Variants in MACC1 observed in about 807,000 individuals in gnomAD.
The protein encoded by MACC1 is metastasis-associated in colon cancer protein 1.
A neutral mutation model predicts 70.7 loss-of-function variants in MACC1; 79 were observed. The ratio of observed to expected loss-of-function variants is 1.12; its 90% CI spans 0.93 to 1.35. The LOEUF (loss-of-function observed/expected upper bound fraction) is 1.35, where lower values mean the gene tolerates loss of function less well. Among genes scored for constraint, MACC1 ranks in the 40% most tolerant of loss-of-function variants. MACC1 has a pLI of 0.00. For missense variants in MACC1, 1,106 were observed against 978.1 expected (o/e 1.13, Z -1.74); for synonymous variants, 361 against 347.2 (o/e 1.04, Z -0.44).
At chr7:20,143,221 G>A (rs6959902) in intron 6 of MACC1, among the ~76,000 whole-genome samples, 29,401 of 152,098 alleles carry the variant, frequency 0.19, 3,641 homozygotes, top group African/African-American at 0.34. Context: ...GGCACACTCA[G>A]TCAAGAAGCA....
chr7:20,162,552 C>T (rs1259702011), intron 3 of MACC1, among the ~76,000 whole-genome samples: 1 of 151,998 alleles, frequency 6.6e-6, no homozygotes. Flanking sequence ...CATAAATAGG[C>T]TCTAAGTAAG....
intron 1 of MACC1, among the ~76,000 whole-genome samples, chr7:20,171,847 C>A (rs1478822098): frequency 6.6e-6 from 1 of 152,080 alleles, no homozygotes; most frequent in Non-Finnish European, 1.5e-5. Flanking sequence ...CTCACAGAGA[C>A]AATTACATCT....
intron 1 of MACC1, among the ~76,000 whole-genome samples, chr7:20,175,555 T>C (rs1782378315): frequency 1.3e-5 from 2 of 152,158 alleles, no homozygotes; most frequent in African/African-American, 4.8e-5. Context: ...CATTTTCATA[T>C]AATTGCATAT....
chr7:20,162,198 C>A (rs1011714597), intron 3 of MACC1, among the ~76,000 whole-genome samples: 1 of 152,074 alleles, frequency 6.6e-6, no homozygotes, highest in East Asian at 1.9e-4. Context: ...ATAAACATTT[C>A]CTGTTTGGCG....
intron 1 of MACC1, among the ~76,000 whole-genome samples, chr7:20,212,430 A>C (rs544327681): frequency 4.3e-4 from 66 of 152,280 alleles, no homozygotes; most frequent in African/African-American, 1.5e-3. Flanking sequence ...TGGCCACAGT[A>C]ACCAAGAGAA....
At chr7:20,190,691 G>A (rs1482248877) in intron 1 of MACC1, among the ~76,000 whole-genome samples, 3 of 152,118 alleles carry the variant, frequency 2.0e-5, no homozygotes, top group Non-Finnish European at 2.9e-5. Context: ...AAAATGGAAA[G>A]GTTTTCATCA....
chr7:20,191,253 G>A (rs1782667440), intron 1 of MACC1, among the ~76,000 whole-genome samples: 1 of 152,086 alleles, frequency 6.6e-6, no homozygotes, highest in Admixed American at 6.6e-5. Context: ...CTATCCCCAG[G>A]GCCAGAGAAA....
chr7:20,186,898 G>C (rs1276677248), intron 1 of MACC1, among the ~76,000 whole-genome samples: 1 of 152,110 alleles, frequency 6.6e-6, no homozygotes, highest in Non-Finnish European at 1.5e-5. Context: ...CGTATGCTTA[G>C]GAGAGTATAG....
At chr7:20,188,509 A>G (rs1486848424) in intron 1 of MACC1, among the ~76,000 whole-genome samples, 1 of 152,176 alleles carries the variant, frequency 6.6e-6, no homozygotes, top group Non-Finnish European at 1.5e-5. Context: ...GATGCTTTTT[A>G]CATCTTTAAA....
In MACC1 at chr7:20,154,099, C is replaced by T. The variant is rs1459949641; in HGVS notation, c.2346+94G>A. Reference sequence around the variant, plus strand: ...TTAGTGGATCATCTTGGACATTCCCCCAGTGAATCCGTGAATGTGGTATGG... The same window carrying T: ...TTAGTGGATCATCTTGGACATTCCCTCAGTGAATCCGTGAATGTGGTATGG... On this transcript the variant is annotated intron_variant, in intron 6 of 6. Transcript: ENST00000400331. The T allele has an allele frequency of 2.3e-6, 3 of 1,278,928 alleles. No individual in the cohort carries two copies. In the Admixed American group the frequency reaches 5.4e-5, roughly 23 times the overall value. The allele number at this position is 1,278,928 out of a possible 1,614,324, so 79.2% of individuals were successfully genotyped here.
At chr7:20,158,182 A>C (rs1782082396) in intron 5 of MACC1, 22 bp downstream of exon 5, 1 of 1,532,124 alleles carries the variant, frequency 6.5e-7, no homozygotes, top group Non-Finnish European at 8.7e-7. Flanking sequence ...GCAATTCATT[A>C]CCATGATCAA....
chr7:20,148,134 T>C (rs928331012), intron 6 of MACC1, among the ~76,000 whole-genome samples: 1 of 152,068 alleles, frequency 6.6e-6, no homozygotes, highest in Non-Finnish European at 1.5e-5. Context: ...AGCTATCACC[T>C]TTCTTTAGGC....
Position 20,158,812 on chromosome 7 carries a change from G to T in MACC1, c.1549C>A (p.Leu517Met). The change falls in exon 5 of 7, where the codon CTG (leucine) becomes ATG (methionine). Residue 517 changes from leucine to methionine, a missense_variant. Transcript: ENST00000400331. The stretch of plus-strand genomic sequence containing the variant: ...TCCTTCTTCTGCAAATAGCCTGGCA[G>T]ATTCGAGAGTCTTTTTAGGTTTGGG... ...PTPNLKRLSN[L>M]PGYLQKKEEI... is the part of the protein sequence containing the mutation. 1 of 1,614,142 alleles carries T rather than the reference G, an allele frequency of 6.2e-7. No individual in the cohort carries two copies. The highest frequency in any genetic ancestry group is 1.1e-5 in the South Asian group (1 of 91,074).
chr7:20,138,418 AACCCAGTTATTAATCCCC>A lies in MACC1; in HGVS notation c.*2510_*2527del, dbSNP rs1159527940. On this transcript the variant is annotated 3_prime_UTR_variant, in exon 7 of 7. Transcript: ENST00000400331. ...CTTCTTAGATCTTGGAGCCTGGAAA[AACCCAGTTATTAATCCCC>A]ACTATCCCTTCCCAAAATTCTCTGG... The A allele has an allele frequency of 6.6e-6, 1 of 151,994 alleles. No individual in the cohort carries two copies. Among genetic ancestry groups the A allele is most frequent in the Non-Finnish European group, 1.5e-5 (1 of 67,994 alleles). 9.4% of individuals were successfully genotyped at this position (151,994 alleles called of 1,614,324 possible).
intron 2 of MACC1, among the ~76,000 whole-genome samples, chr7:20,166,884 G>T (rs1256293814): frequency 6.6e-5 from 10 of 152,154 alleles, no homozygotes; most frequent in Non-Finnish European, 7.3e-5. Flanking sequence ...CATCATATTA[G>T]TGAGACTAAA....
chr7:20,202,493 C>A lies in MACC1; in HGVS notation c.-218+14806G>T, dbSNP rs181482346. 3.8e-3 allele frequency among the ~76,000 whole-genome samples: 577 copies of A among 152,186 alleles called. 2 individuals are homozygous for A. The highest frequency in any genetic ancestry group is 6.1e-3 in the Admixed American group (94 of 15,288). On this transcript the variant is annotated intron_variant, in intron 1 of 6. Transcript: ENST00000400331. ...AGAGGAAAGAAAATGGGACCCGGAACCAAAAAACCTGATCGAGCTTCTAAA... is the reference window on the plus strand; with the variant it reads ...AGAGGAAAGAAAATGGGACCCGGAAACAAAAAACCTGATCGAGCTTCTAAA...
At chr7:20,207,911 C>T (rs561163498) in intron 1 of MACC1, among the ~76,000 whole-genome samples, 2 of 152,246 alleles carry the variant, frequency 1.3e-5, no homozygotes, top group South Asian at 4.2e-4. Flanking sequence ...CCATAATCCC[C>T]ATGTGTCATG....
At chr7:20,214,293 A>G (rs1316616912) in intron 1 of MACC1, among the ~76,000 whole-genome samples, 1 of 152,136 alleles carries the variant, frequency 6.6e-6, no homozygotes, top group African/African-American at 2.4e-5. Context: ...AATACCCTCC[A>G]TGGAATACCC....
In MACC1 at chr7:20,138,308, A is replaced by C. The variant is rs1193482035; in HGVS notation, c.*2638T>G. 6.6e-6 allele frequency: 1 copy of C among 152,050 alleles called. No individual in the cohort carries two copies. Among genetic ancestry groups the C allele is most frequent in the Non-Finnish European group, 1.5e-5 (1 of 68,010 alleles). 9.4% of individuals were successfully genotyped at this position (152,050 alleles called of 1,614,324 possible). A position where few individuals can be genotyped will look rare whatever the true frequency, so the allele number is the denominator to read the frequency against. ...ATTTTTTTAAACTCTTATTATTCTC[A>C]ATCACAATCATAATACATGATGCAA... On this transcript the variant is annotated 3_prime_UTR_variant, in exon 7 of 7. Transcript: ENST00000400331.
Sources: allele counts gnomAD v4.1 joint callset (sites outside exome capture counted in the v4.1 genomes callset), GRCh38; gene constraint gnomAD v4.1.1; transcripts MANE v1.5; gene names NCBI Gene and HGNC (gene_info 2026-07-23, HGNC 2026-07-21).